FAN1: variants seen among roughly 807,000 people sequenced by gnomAD.
FAN1 encodes fanconi-associated nuclease 1.
Under a neutral mutation model 104.9 loss-of-function variants are expected in FAN1, and 91 were observed. The ratio of observed to expected loss-of-function variants is 0.87; its 90% CI spans 0.73 to 1.03. The LOEUF (loss-of-function observed/expected upper bound fraction) is 1.03. FAN1 is among the 50% of genes least tolerant of loss of function. The probability of loss-of-function intolerance (pLI) is 0.00; values close to 1 mark genes in which losing one functional copy is unlikely to be tolerated. For synonymous variants in FAN1, 478 were observed against 457.6 expected, an observed-to-expected ratio of 1.04 and a Z score of -0.57; for missense variants, 1,263 against 1,239.9, an observed-to-expected ratio of 1.02 and a Z score of -0.28.
chr15:30,929,430 A>G (rs770532497), intron 12 of FAN1, 33 bp downstream of exon 12: 8 of 1,562,014 alleles, frequency 5.1e-6, no homozygotes, highest in Non-Finnish European at 6.1e-6. Context: ...GGATTTGCTC[A>G]GAAAGTTAAC....
chr15:30,929,461 T>TTAG, intron 12 of FAN1, 64 bp downstream of exon 12: 1 of 1,302,140 alleles, frequency 7.7e-7, no homozygotes, highest in South Asian at 1.4e-5. Flanking sequence ...TGCTGTCTTT[T>TTAG]CAGCAACTTT....
Position 30,920,568 on chromosome 15 carries a change from T to C in FAN1, c.1967T>C (p.Phe656Ser). The part of the protein sequence containing the change: ...SLRCHEDLPL[F>S]LRCFTVGWIY... ...AGATGCCACGAAGATTTACCACTCT[T>C]CCTGCGGTGTTTCACTGTTGGGTGG... Residue 656 changes from phenylalanine (F) to serine (S), a missense_variant, in exon 7 of 15, where the codon TTC becomes TCC. This residue lies in a region of FAN1 where 581 missense variants were observed against 668.8 expected (regional missense o/e 0.87). Coordinates refer to ENST00000362065, the MANE Select transcript of FAN1 (RefSeq NM_014967.5). The C allele has an allele frequency of 6.2e-7, 1 of 1,612,094 alleles. No homozygotes were observed. Among genetic ancestry groups the C allele is most frequent in the Non-Finnish European group, 8.5e-7 (1 of 1,179,032 alleles).
chr15:30,923,631 G>A (rs566049962), intron 8 of FAN1, among the ~76,000 whole-genome samples: 1 of 152,280 alleles, frequency 6.6e-6, no homozygotes, highest in African/African-American at 2.4e-5. Context: ...GCCTGGCCAG[G>A]GCAGAGGTGG....
Position 30,943,004 on chromosome 15 carries a change from G to A in FAN1, c.*1442G>A. ...CCTTTGCTGTAAACTGGAGAGACCA[G>A]TCCCAAACAGAGGGGAATTTTAAGC... On this transcript the variant is annotated 3_prime_UTR_variant, in exon 15 of 15. Transcript: ENST00000362065. 6.4e-7 allele frequency: 1 copy of A among 1,552,320 alleles called. No individual in the cohort carries two copies. The highest frequency in any genetic ancestry group is 8.7e-7 in the Non-Finnish European group (1 of 1,147,152).
rs577770992 is a variant in FAN1, at chr15:30,905,118, T to G, written c.455T>G (p.Leu152Trp). The G allele has an allele frequency of 1.2e-6, 2 of 1,614,070 alleles. No individual in the cohort carries two copies. Among genetic ancestry groups the G allele is most frequent in the Admixed American group, 1.7e-5 (1 of 60,028 alleles). The change falls in exon 2 of 15, where the codon TTG becomes TGG. Residue 152 changes from leucine to tryptophan, a missense_variant. Physicochemically the swap from Leu to Trp is moderately conservative, Grantham distance 61. Around this residue, in one of 2 missense-constraint regions of FAN1, gnomAD observed 682 missense variants for 571.1 expected, o/e 1.19. Coordinates refer to ENST00000362065, the MANE Select transcript of FAN1 (RefSeq NM_014967.5). ...AATCGTAGTGTGAAAGTCATTTGTT[T>G]GGGAAGCCTAGCATCTAAATTGTCC... Reference protein sequence around the residue: ...LRNRSVKVICLGSLASKLSRK... With the variant: ...LRNRSVKVICWGSLASKLSRK...
At chr15:30,939,292 G>T (rs1257484837) in intron 14 of FAN1, 2 of 985,312 alleles carry the variant, frequency 2.0e-6, no homozygotes, top group African/African-American at 3.5e-5. Context: ...ATTTCACCCA[G>T]TGCATCAGCA....
chr15:30,926,233 A>G (rs1391196168), intron 10 of FAN1, among the ~76,000 whole-genome samples: 2 of 152,098 alleles, frequency 1.3e-5, no homozygotes, highest in Non-Finnish European at 2.9e-5. Flanking sequence ...AGTGTGCTCA[A>G]CCCCACGGAC....
At chr15:30,911,234 CTG>C (rs1246071584) in intron 4 of FAN1, 2 of 991,220 alleles carry the variant, frequency 2.0e-6, no homozygotes, top group African/African-American at 1.7e-5. Context: ...TTACCAAAAA[CTG>C]TGAGTGGCTT....
At position 30,929,692 on chromosome 15, in the gene FAN1, A is replaced by G. The variant is rs12899814; in HGVS notation, c.2787+295A>G. On this transcript the variant is annotated intron_variant, in intron 12 of 14. Transcript: ENST00000362065. ...ATATAATATATCATATAATATATAT[A>G]AAATATATATTATATCATATATAAT... is the stretch of plus-strand genomic sequence containing the variant. Among the ~76,000 whole-genome samples, 848 of 87,848 alleles carry G rather than the reference A, an allele frequency of 9.7e-3. 54 individuals carry two copies. Among genetic ancestry groups the G allele is most frequent in the African/African-American group, 0.018 (355 of 20,088 alleles). 57.6% of individuals were successfully genotyped at this position (87,848 alleles called of 152,430 possible). A position where few individuals can be genotyped will look rare whatever the true frequency, so the allele number is the denominator to read the frequency against.
chr15:30,928,392 G>T lies in FAN1; in HGVS notation c.2489-161G>T, dbSNP rs1390446115. ...CAACATACTGTATAAAATAAACTGGGAATGGCGTGAAAACAGCATTTGCTT... is the reference window on the plus strand; with the variant it reads ...CAACATACTGTATAAAATAAACTGGTAATGGCGTGAAAACAGCATTTGCTT... On this transcript the variant is annotated intron_variant, in intron 10 of 14. Coordinates refer to ENST00000362065, the MANE Select transcript of FAN1 (RefSeq NM_014967.5). 1.1e-5 allele frequency: 16 copies of T among 1,452,902 alleles called. No individual in the cohort carries two copies. The South Asian group carries it at 2.2e-4, about 20-fold the overall frequency. The allele number at this position is 1,452,902 out of a possible 1,614,324, so 90.0% of individuals were successfully genotyped here.
intron 12 of FAN1, among the ~76,000 whole-genome samples, chr15:30,929,721 T>C (rs182534823): frequency 0.012 from 494 of 42,726 alleles, 39 homozygotes; most frequent in South Asian, 0.017. Context: ...ATATAATATA[T>C]ATAAAATATA....
intron 14 of FAN1, chr15:30,940,874 T>C (rs2063022902): frequency 9.9e-7 from 1 of 1,010,136 alleles, no homozygotes; most frequent in Non-Finnish European, 1.2e-6. Context: ...ACAGTGCATA[T>C]CATTTTAAAG....
At position 30,930,677 on chromosome 15, in the gene FAN1, T is replaced by C. The variant is rs1419602338; in HGVS notation, c.2916+6T>C. On this transcript the variant is annotated splice_donor_region_variant and intron_variant, in intron 13 of 14. Coordinates refer to ENST00000362065, the MANE Select transcript of FAN1 (RefSeq NM_014967.5). ...CCCAGAGCCGTCACTTTAAGGTCAG[T>C]TGAGGCAGAATGGAAAGTCCTGTTG... is the stretch of plus-strand genomic sequence containing the variant. The C allele has an allele frequency of 6.2e-7, 1 of 1,612,704 alleles. No homozygotes were observed. Among genetic ancestry groups the C allele is most frequent in the Admixed American group, 1.7e-5 (1 of 59,666 alleles).
chr15:30,914,739 G>A (rs564532950), intron 5 of FAN1, among the ~76,000 whole-genome samples: 2 of 152,124 alleles, frequency 1.3e-5, no homozygotes, highest in Admixed American at 6.5e-5. Context: ...AAGACTGAAT[G>A]TGAATATTTT....
chr15:30,905,167 A>C lies in FAN1; in HGVS notation c.504A>C (p.Lys168Asn). Reference protein sequence around the residue: ...KLSRKYVKAKKSIDKDEEFAG... With the variant: ...KLSRKYVKAKNSIDKDEEFAG... ...CCAGAAAATACGTAAAGGCTAAAAAATCAATAGATAAGGATGAAGAATTTG... is the reference window on the plus strand; with the variant it reads ...CCAGAAAATACGTAAAGGCTAAAAACTCAATAGATAAGGATGAAGAATTTG... Residue 168 changes from lysine (K) to asparagine (N), a missense_variant, in exon 2 of 15, where the codon AAA becomes AAC. Lys to Asn is a moderately conservative substitution (Grantham distance 94). Transcript: ENST00000362065. 1 of 1,613,874 alleles carries C rather than the reference A, an allele frequency of 6.2e-7. No individual in the cohort carries two copies. The highest frequency in any genetic ancestry group is 8.5e-7 in the Non-Finnish European group (1 of 1,180,010).
At chr15:30,940,772 AAAGTGAAATTATATTT>A in intron 14 of FAN1, 2 of 987,768 alleles carry the variant, frequency 2.0e-6, no homozygotes. Flanking sequence ...CCAATTTTAA[AAAGTGAAATTATATTT>A]TCTTCTGTAA....
At position 30,904,646 on chromosome 15, in the gene FAN1, C is replaced by A. The variant is rs1566905017; in HGVS notation, c.-18C>A. On this transcript the variant is annotated 5_prime_UTR_variant, in exon 2 of 15. Transcript: ENST00000362065. ...TCCTGTGTTTTATTGCTCAGAACAT[C>A]CAGTTTTTCTAATACTCATGATGTC... 6.2e-7 allele frequency: 1 copy of A among 1,607,740 alleles called. No individual in the cohort carries two copies. Among genetic ancestry groups the A allele is most frequent in the Non-Finnish European group, 8.5e-7 (1 of 1,177,682 alleles).
chr15:30,924,667 T>C (rs1311233756), intron 8 of FAN1, among the ~76,000 whole-genome samples: 3 of 152,206 alleles, frequency 2.0e-5, no homozygotes, highest in Non-Finnish European at 2.9e-5. Flanking sequence ...TCCATGGTTC[T>C]TGACTGCATA....
chr15:30,940,870 C>T, intron 14 of FAN1: 1 of 1,008,342 alleles, frequency 9.9e-7, no homozygotes. Flanking sequence ...ATTAACAGTG[C>T]ATATCATTTT....
Sources: gnomAD v4.1 joint callset for allele counts (sites outside exome capture counted in the v4.1 genomes callset) on GRCh38, gnomAD v4.1.1 for gene constraint, gnomAD v4.1.1 regional missense constraint, MANE v1.5 for transcripts, NCBI Gene and HGNC (gene_info 2026-07-23, HGNC 2026-07-21) for gene names.